The following ADK variants were observed in gnomAD, a reference collection of about 807,000 sequenced individuals.
ADK encodes the protein adenosine kinase, also known as N6,N6-dimethyladenosine kinase.
Under a neutral mutation model 44.7 loss-of-function variants are expected in ADK, and 24 were observed. That is an observed-to-expected ratio of 0.54 (90% CI 0.39 to 0.76). The LOEUF (loss-of-function observed/expected upper bound fraction) is 0.76, where lower values mean the gene tolerates loss of function less well. Among genes scored for constraint, ADK ranks in the 30% least tolerant of loss-of-function variants. The pLI is 0.00. For synonymous variants in ADK, 128 were observed against 142.6 expected, an observed-to-expected ratio of 0.90 and a Z score of 0.73; for missense variants, 321 against 425.1, an observed-to-expected ratio of 0.76 and a Z score of 2.15.
intron 7 of ADK, among the ~76,000 whole-genome samples, chr10:74,539,134 C>G (rs1849547278): frequency 6.6e-6 from 1 of 152,162 alleles, no homozygotes. Context: ...AGTCCCTATA[C>G]ACAGAGAATT....
At chr10:74,400,950 T>C (rs1168757910) in intron 6 of ADK, among the ~76,000 whole-genome samples, 2 of 152,216 alleles carry the variant, frequency 1.3e-5, no homozygotes, top group Admixed American at 6.5e-5. Context: ...ACTGGAAACC[T>C]TCCTGACTGA....
chr10:74,530,436 G>C (rs943307807), intron 7 of ADK: 1 of 152,000 alleles, frequency 6.6e-6, no homozygotes, highest in Non-Finnish European at 1.5e-5. Flanking sequence ...CCTTCCTCTT[G>C]TCAGAGGATT....
intron 9 of ADK, among the ~76,000 whole-genome samples, chr10:74,645,220 A>G (rs918258071): frequency 7.2e-5 from 11 of 152,262 alleles, no homozygotes; most frequent in African/African-American, 2.4e-4. Context: ...TCTAAACTCA[A>G]AGATTTCTGG....
intron 8 of ADK, among the ~76,000 whole-genome samples, 200 bp downstream of exon 8, chr10:74,589,517 C>T (rs1294979948): frequency 6.6e-6 from 1 of 152,128 alleles, no homozygotes; most frequent in Non-Finnish European, 1.5e-5. Context: ...CTGCACCCAA[C>T]ATCGCCTACA....
chr10:74,455,733 C>T (rs1338360819), intron 6 of ADK, among the ~76,000 whole-genome samples: 1 of 152,126 alleles, frequency 6.6e-6, no homozygotes, highest in African/African-American at 2.4e-5. Flanking sequence ...TGGTCTTGAT[C>T]TCTTGACCTC....
chr10:74,567,558 T>A (rs1296480091), intron 7 of ADK, among the ~76,000 whole-genome samples: 1 of 152,128 alleles, frequency 6.6e-6, no homozygotes, highest in Non-Finnish European at 1.5e-5. Flanking sequence ...AGGACACACG[T>A]CTCATTTTTC....
chr10:74,513,861 G>T (rs1262947412), intron 6 of ADK, among the ~76,000 whole-genome samples: 1 of 152,110 alleles, frequency 6.6e-6, no homozygotes, highest in South Asian at 2.1e-4. Context: ...TAGTGAAAAG[G>T]TTTGATTCCT....
intron 1 of ADK, chr10:74,174,347 T>G (rs1357440390): frequency 7.0e-6 from 1 of 142,638 alleles, no homozygotes; most frequent in African/African-American, 2.6e-5. Context: ...AAGAACCAGC[T>G]TAAAGTCATA....
At chr10:74,273,530 T>A (rs1846527544) in intron 3 of ADK, among the ~76,000 whole-genome samples, 2 of 152,092 alleles carry the variant, frequency 1.3e-5, no homozygotes, top group Admixed American at 6.5e-5. Flanking sequence ...TGATCTTGGC[T>A]CACTGCAACC....
intron 9 of ADK, among the ~76,000 whole-genome samples, chr10:74,642,025 A>G (rs1001583534): frequency 1.3e-5 from 2 of 152,172 alleles, no homozygotes; most frequent in Non-Finnish European, 2.9e-5. Flanking sequence ...TTGACTCTCA[A>G]TGACAGTAGA....
intron 4 of ADK, among the ~76,000 whole-genome samples, chr10:74,366,883 T>G (rs1399279042): frequency 6.6e-6 from 1 of 152,214 alleles, no homozygotes; most frequent in African/African-American, 2.4e-5. Flanking sequence ...TGAGCCAAGA[T>G]TGTGCCTCTG....
intron 4 of ADK, among the ~76,000 whole-genome samples, chr10:74,356,112 G>A (rs1305899885): frequency 9.0e-5 from 13 of 144,330 alleles, no homozygotes; most frequent in African/African-American, 2.3e-4. Context: ...TCCCCTTCCC[G>A]GGTTCACGCC....
intron 6 of ADK, among the ~76,000 whole-genome samples, chr10:74,412,742 A>T (rs548949347): frequency 6.6e-6 from 1 of 152,220 alleles, no homozygotes; most frequent in South Asian, 2.1e-4. Context: ...TGAGCAGTAG[A>T]TCTCAACAGT....
chr10:74,214,989 G>T (rs1843958143), intron 2 of ADK, among the ~76,000 whole-genome samples: 3 of 152,114 alleles, frequency 2.0e-5, no homozygotes, highest in South Asian at 4.1e-4. Context: ...CAGGTTTTTT[G>T]ATTTGTATCT....
At chr10:74,272,675 T>C (rs1430511306) in intron 3 of ADK, among the ~76,000 whole-genome samples, 1 of 152,268 alleles carries the variant, frequency 6.6e-6, no homozygotes, top group Admixed American at 6.5e-5. Flanking sequence ...CTTATTGTGA[T>C]GGATAAATTA....
chr10:74,514,575 T>C (rs888383394), intron 6 of ADK, among the ~76,000 whole-genome samples: 2 of 152,144 alleles, frequency 1.3e-5, no homozygotes, highest in South Asian at 2.1e-4. Context: ...ATTCATTAAA[T>C]TCTTCAGCTC....
intron 1 of ADK, among the ~76,000 whole-genome samples, chr10:74,186,197 CTTCCCTTCCCTTCCCTTCCT>C (rs1174309420): frequency 7.5e-6 from 1 of 132,514 alleles, no homozygotes; most frequent in East Asian, 2.1e-4. Context: ...CTTTCCTTCC[CTTCCCTTCCCTTCCCTTCCT>C]TTCCCTTCCC....
intron 8 of ADK, among the ~76,000 whole-genome samples, chr10:74,590,911 A>G (rs1284867257): frequency 6.6e-6 from 1 of 152,120 alleles, no homozygotes; most frequent in Non-Finnish European, 1.5e-5. Flanking sequence ...ATACATCAGA[A>G]TTCTCCATAG....
At chr10:74,416,100 G>A (rs1295654973) in intron 6 of ADK, among the ~76,000 whole-genome samples, 4 of 151,482 alleles carry the variant, frequency 2.6e-5, no homozygotes, top group Non-Finnish European at 5.9e-5. Flanking sequence ...AGGGTCATGA[G>A]GGTCAGTTTT....
Sources: gnomAD v4.1 joint callset for allele counts (sites outside exome capture counted in the v4.1 genomes callset) on GRCh38, gnomAD v4.1.1 for gene constraint, MANE v1.5 for transcripts, NCBI Gene and HGNC (gene_info 2026-07-23, HGNC 2026-07-21) for gene names.